NRXN3: variants seen among roughly 807,000 people sequenced by gnomAD.
NRXN3 encodes the protein neurexin 3.
Under a neutral mutation model 137.6 loss-of-function variants are expected in NRXN3, and 32 were observed. That is an observed-to-expected ratio of 0.23 (90% CI 0.18 to 0.31). NRXN3 has a LOEUF of 0.31. Ranked by LOEUF, NRXN3 falls within the 10% of genes least tolerant of loss-of-function variation. NRXN3 has a pLI of 1.00. For missense variants in NRXN3, 1,574 were observed against 2,062.5 expected, an observed-to-expected ratio of 0.76 and a Z score of 4.59; for synonymous variants, 798 against 784.5, an observed-to-expected ratio of 1.02 and a Z score of -0.29.
At chr14:78,271,117 G>A (rs1418285373) in intron 2 of NRXN3, among the ~76,000 whole-genome samples, 1 of 152,096 alleles carries the variant, frequency 6.6e-6, no homozygotes, top group Non-Finnish European at 1.5e-5. Context: ...CAAACTTCAG[G>A]TCTGTTAAAA....
chr14:78,534,256 A>G (rs1478416117), intron 4 of NRXN3, among the ~76,000 whole-genome samples: 3 of 152,204 alleles, frequency 2.0e-5, no homozygotes, highest in Non-Finnish European at 4.4e-5. Context: ...TTTTAAGCCT[A>G]TGATGATATT....
At chr14:78,885,452 G>T (rs6574475) in intron 10 of NRXN3, among the ~76,000 whole-genome samples, 7,536 of 151,860 alleles carry the variant, frequency 0.05, 605 homozygotes, top group African/African-American at 0.17. Context: ...GATTTTAACC[G>T]CCAAACAAAT....
At chr14:79,338,331 G>A (rs551698272) in intron 15 of NRXN3, among the ~76,000 whole-genome samples, 1 of 151,996 alleles carries the variant, frequency 6.6e-6, no homozygotes, top group African/African-American at 2.4e-5. Context: ...TGGTTACTTC[G>A]TGGAGAGGGT....
At chr14:79,482,791 CTT>C (rs1336897997) in intron 16 of NRXN3, among the ~76,000 whole-genome samples, 1 of 152,158 alleles carries the variant, frequency 6.6e-6, no homozygotes, top group Non-Finnish European at 1.5e-5. Flanking sequence ...TTGGTAAAGA[CTT>C]TGCAATCCTG....
At chr14:79,296,710 A>T (rs2084230073) in intron 15 of NRXN3, among the ~76,000 whole-genome samples, 1 of 152,220 alleles carries the variant, frequency 6.6e-6, no homozygotes, top group Admixed American at 6.5e-5. Context: ...AAAAGGGTCA[A>T]GGCTGAGAAG....
intron 19 of NRXN3, among the ~76,000 whole-genome samples, chr14:79,742,279 T>G (rs551682777): frequency 1.3e-5 from 2 of 152,072 alleles, no homozygotes; most frequent in Non-Finnish European, 2.9e-5. Flanking sequence ...TCTTTTGGAG[T>G]TTTGCATGAT....
At chr14:79,687,560 A>G (rs2098700398) in intron 17 of NRXN3, among the ~76,000 whole-genome samples, 1 of 152,204 alleles carries the variant, frequency 6.6e-6, no homozygotes, top group Non-Finnish European at 1.5e-5. Flanking sequence ...TTTAGTGTCA[A>G]CAAAGCAATA....
At chr14:78,451,224 G>A (rs1224444199) in intron 4 of NRXN3, among the ~76,000 whole-genome samples, 1 of 152,182 alleles carries the variant, frequency 6.6e-6, no homozygotes, top group Non-Finnish European at 1.5e-5. Flanking sequence ...AGCACCACAT[G>A]TGCCCAATTA....
intron 8 of NRXN3, among the ~76,000 whole-genome samples, chr14:78,715,636 G>A (rs549358514): frequency 1.3e-5 from 2 of 152,312 alleles, no homozygotes; most frequent in South Asian, 4.1e-4. Context: ...ATAAGAGGCA[G>A]AGTGATGTAT....
At chr14:78,473,084 G>T (rs1014304857) in intron 4 of NRXN3, among the ~76,000 whole-genome samples, 2 of 151,992 alleles carry the variant, frequency 1.3e-5, no homozygotes, top group African/African-American at 4.8e-5. Flanking sequence ...GATACAGTAG[G>T]ACTGTTACCA....
intron 17 of NRXN3, among the ~76,000 whole-genome samples, chr14:79,687,572 A>G: frequency 6.6e-6 from 1 of 152,216 alleles, no homozygotes; most frequent in East Asian, 1.9e-4. Flanking sequence ...AAAGCAATAA[A>G]GAAAATTTGT....
At chr14:78,912,970 A>G (rs1259313711) in intron 10 of NRXN3, among the ~76,000 whole-genome samples, 4 of 152,110 alleles carry the variant, frequency 2.6e-5, no homozygotes, top group African/African-American at 9.7e-5. Context: ...CCTTCAACAA[A>G]TATTTATTCA....
At chr14:78,201,003 A>G (rs1321019405) in intron 1 of NRXN3, among the ~76,000 whole-genome samples, 1 of 152,036 alleles carries the variant, frequency 6.6e-6, no homozygotes, top group African/African-American at 2.4e-5. Context: ...CTGGATTTGG[A>G]GCTCTTGAAG....
chr14:79,754,821 G>C (rs1373927110), intron 19 of NRXN3, among the ~76,000 whole-genome samples: 1 of 151,814 alleles, frequency 6.6e-6, no homozygotes, highest in African/African-American at 2.4e-5. Flanking sequence ...GTTTCCGCAT[G>C]CTGTTCTTGT....
At chr14:78,503,070 G>T (rs2095911029) in intron 4 of NRXN3, among the ~76,000 whole-genome samples, 1 of 152,162 alleles carries the variant, frequency 6.6e-6, no homozygotes, top group African/African-American at 2.4e-5. Context: ...ATCACTGGCA[G>T]AAATATGAGG....
intron 1 of NRXN3, among the ~76,000 whole-genome samples, chr14:78,182,191 T>A (rs1446865514): frequency 6.6e-6 from 1 of 152,140 alleles, no homozygotes; most frequent in Admixed American, 6.5e-5. Context: ...TTCACAAGTA[T>A]CACCTCATTT....
intron 10 of NRXN3, among the ~76,000 whole-genome samples, chr14:78,910,798 C>T (rs61994003): frequency 0.036 from 5,441 of 152,212 alleles, 168 homozygotes; most frequent in African/African-American, 0.082. Context: ...CAACCAGAAT[C>T]GTGCCTAGCA....
chr14:79,486,066 A>G (rs1295831919), intron 16 of NRXN3, among the ~76,000 whole-genome samples: 1 of 152,100 alleles, frequency 6.6e-6, no homozygotes, highest in Non-Finnish European at 1.5e-5. Flanking sequence ...TTTGTGGCTT[A>G]AAATTAAGAA....
At chr14:78,653,851 T>A (rs536298384) in intron 6 of NRXN3, among the ~76,000 whole-genome samples, 1 of 152,012 alleles carries the variant, frequency 6.6e-6, no homozygotes, top group East Asian at 1.9e-4. Flanking sequence ...ATAATAGAAA[T>A]AACTATAATC....
Sources: gnomAD v4.1 joint callset for allele counts (sites outside exome capture counted in the v4.1 genomes callset) on GRCh38, gnomAD v4.1.1 for gene constraint, MANE v1.5 for transcripts, NCBI Gene and HGNC (gene_info 2026-07-23, HGNC 2026-07-21) for gene names.